The following GRB14 variants were observed in gnomAD, a reference collection of about 807,000 sequenced individuals.
The protein encoded by GRB14 is growth factor receptor bound protein 14.
In GRB14, 38 loss-of-function variants were observed where a neutral mutation model predicts 69.1. That is an observed-to-expected ratio of 0.55 (90% CI 0.42 to 0.72). GRB14 has a LOEUF of 0.72. Ranked by LOEUF, GRB14 falls within the 30% of genes least tolerant of loss-of-function variation. The pLI is 0.00. For missense variants in GRB14, 666 were observed against 666.1 expected (o/e 1.00, Z 0.00); for synonymous variants, 247 against 241.3 (o/e 1.02, Z -0.22).
intron 2 of GRB14, among the ~76,000 whole-genome samples, chr2:164,601,812 T>C (rs571069482): frequency 6.6e-6 from 1 of 152,260 alleles, no homozygotes; most frequent in Non-Finnish European, 1.5e-5. Flanking sequence ...CAATTCAGGA[T>C]ACAATCTTAA....
intron 4 of GRB14, among the ~76,000 whole-genome samples, chr2:164,526,444 A>T (rs1407048323): frequency 6.6e-6 from 1 of 152,000 alleles, no homozygotes; most frequent in Non-Finnish European, 1.5e-5. Context: ...TAGATAATGC[A>T]CTGGTCTTTA....
At chr2:164,560,527 T>C (rs919293610) in intron 2 of GRB14, among the ~76,000 whole-genome samples, 14 of 152,264 alleles carry the variant, frequency 9.2e-5, no homozygotes, top group African/African-American at 2.6e-4. Context: ...TTTTCAGAAT[T>C]AGTAAATATT....
intron 2 of GRB14, among the ~76,000 whole-genome samples, chr2:164,580,516 G>A (rs1026737642): frequency 6.6e-6 from 1 of 151,824 alleles, no homozygotes; most frequent in Non-Finnish European, 1.5e-5. Flanking sequence ...ACCAGCCTGG[G>A]CAACATGGTG....
At chr2:164,546,578 C>T (rs1017458378) in intron 3 of GRB14, among the ~76,000 whole-genome samples, 6 of 152,140 alleles carry the variant, frequency 3.9e-5, no homozygotes, top group Non-Finnish European at 8.8e-5. Flanking sequence ...TCCATATCCA[C>T]CACGATGCCC....
intron 2 of GRB14, among the ~76,000 whole-genome samples, chr2:164,578,237 A>G (rs1399598682): frequency 6.6e-6 from 1 of 152,188 alleles, no homozygotes; most frequent in Non-Finnish European, 1.5e-5. Flanking sequence ...TGTCTAAAAA[A>G]AAAAGAAAAA....
rs143854646 is a variant in GRB14, at chr2:164,580,910, T to C, written c.325-33094A>G. Among the ~76,000 whole-genome samples the C allele has an allele frequency of 3.1e-3, 468 of 152,262 alleles. 7 individuals carry two copies. The highest frequency in any genetic ancestry group is 0.016 in the East Asian group (82 of 5,172). ...AATAATCACCCTGTGCTGGATATCT[T>C]TATATCCCTCTACCCATTGGGCTCC... On this transcript the variant is annotated intron_variant, in intron 2 of 13. Transcript: ENST00000263915.
intron 2 of GRB14, among the ~76,000 whole-genome samples, chr2:164,594,141 T>A (rs1192357187): frequency 1.3e-5 from 2 of 151,380 alleles, no homozygotes; most frequent in African/African-American, 4.9e-5. Context: ...TGTTACAGTC[T>A]GTCTAATAAA....
At position 164,604,943 on chromosome 2, in the gene GRB14, G is replaced by A. The variant is rs1366020923; in HGVS notation, c.324+14744C>T. Reference sequence around the variant, plus strand: ...AAATGTTTTGAAACTAGACAAAGGAGATGGTGGTACAACACTGTGGATGCA... The same window carrying A: ...AAATGTTTTGAAACTAGACAAAGGAAATGGTGGTACAACACTGTGGATGCA... On this transcript the variant is annotated intron_variant, in intron 2 of 13. Coordinates refer to ENST00000263915, the MANE Select transcript of GRB14 (RefSeq NM_004490.3). Among the ~76,000 whole-genome samples the A allele has an allele frequency of 2.6e-5, 4 of 152,196 alleles. No individual in the cohort carries two copies. In the South Asian group the frequency reaches 8.3e-4, roughly 32 times the overall value.
chr2:164,602,056 A>G (rs913129538), intron 2 of GRB14, among the ~76,000 whole-genome samples: 1 of 151,888 alleles, frequency 6.6e-6, no homozygotes, highest in African/African-American at 2.4e-5. Context: ...CTACTCTGCA[A>G]TATTATCCAT....
intron 13 of GRB14, among the ~76,000 whole-genome samples, chr2:164,493,964 C>T (rs1686826761): frequency 6.6e-6 from 1 of 152,032 alleles, no homozygotes; most frequent in South Asian, 2.1e-4. Context: ...AGCCGAATCA[C>T]AGAACTTTTA....
intron 3 of GRB14, among the ~76,000 whole-genome samples, chr2:164,530,716 G>A (rs1365679065): frequency 6.6e-6 from 1 of 152,168 alleles, no homozygotes; most frequent in Non-Finnish European, 1.5e-5. Context: ...GCTGAACAAG[G>A]AAAAGGGGTT....
intron 2 of GRB14, among the ~76,000 whole-genome samples, chr2:164,585,085 CTTTTTTTTTTTTTTT>C (rs146962375): frequency 2.6e-4 from 14 of 54,378 alleles, no homozygotes; most frequent in African/African-American, 9.9e-4. Context: ...CCATGCCTGG[CTTTTTTTTTTTTTTT>C]TTTTTTTTTT....
chr2:164,574,652 A>C (rs7604647), intron 2 of GRB14, among the ~76,000 whole-genome samples: 14,916 of 152,182 alleles, frequency 0.098, 2,451 homozygotes, highest in African/African-American at 0.34. Flanking sequence ...GTCAAAACTT[A>C]TTGATCGTTA....
At chr2:164,515,468 C>T (rs765503387) in intron 6 of GRB14, among the ~76,000 whole-genome samples, 1 of 152,150 alleles carries the variant, frequency 6.6e-6, no homozygotes, top group African/African-American at 2.4e-5. Context: ...AAATAACACT[C>T]ACTGCAGTTT....
chr2:164,593,668 G>C (rs1274867916), intron 2 of GRB14, among the ~76,000 whole-genome samples: 1 of 152,044 alleles, frequency 6.6e-6, no homozygotes, highest in Non-Finnish European at 1.5e-5. Flanking sequence ...CAGAACAAAG[G>C]CAAAGCAAAA....
intron 2 of GRB14, among the ~76,000 whole-genome samples, chr2:164,580,421 T>C (rs1371894821): frequency 1.3e-5 from 2 of 149,936 alleles, no homozygotes; most frequent in African/African-American, 4.9e-5. Context: ...GAGTGTATTC[T>C]AGGCTGGGCG....
intron 2 of GRB14, among the ~76,000 whole-genome samples, chr2:164,584,680 C>A (rs564677542): frequency 6.6e-6 from 1 of 152,038 alleles, no homozygotes. Context: ...TGCCACAAAT[C>A]AATGTCATTC....
At chr2:164,532,944 G>GTGGA (rs1373907343) in intron 3 of GRB14, among the ~76,000 whole-genome samples, 3 of 152,120 alleles carry the variant, frequency 2.0e-5, no homozygotes, top group African/African-American at 7.2e-5. Flanking sequence ...AACTGGTGGA[G>GTGGA]TGGAGACTGT....
chr2:164,497,056 G>A lies in GRB14; in HGVS notation c.1334C>T (p.Ser445Phe). 3 of 1,613,948 alleles carry A rather than the reference G, an allele frequency of 1.9e-6. No homozygotes were observed. Among genetic ancestry groups the A allele is most frequent in the Non-Finnish European group, 2.5e-6 (3 of 1,179,890 alleles). Residue 445 changes from serine (S) to phenylalanine (F), a missense_variant, in exon 12 of 14, where the codon TCT becomes TTT. Ser to Phe is a radical substitution (Grantham distance 155). Transcript: ENST00000263915. ...AATCAATCGCTGAGCCTCATCTCTA[G>A]AAATTTTGTGGTGAAACCATGGCTG... Reference protein sequence around the residue: ...RSQPWFHHKISRDEAQRLIIQ... With the variant: ...RSQPWFHHKIFRDEAQRLIIQ...
Sources: gnomAD v4.1 joint callset for allele counts (sites outside exome capture counted in the v4.1 genomes callset) on GRCh38, gnomAD v4.1.1 for gene constraint, MANE v1.5 for transcripts, NCBI Gene and HGNC (gene_info 2026-07-23, HGNC 2026-07-21) for gene names.